The following WDFY2 variants were observed in gnomAD, a reference collection of about 807,000 sequenced individuals.
WDFY2 encodes WD repeat and FYVE domain containing 2.
WDFY2 carries 36 observed loss-of-function variants against 56.4 expected under a neutral mutation model. The ratio of observed to expected loss-of-function variants is 0.64; its 90% CI spans 0.49 to 0.84. WDFY2 has a LOEUF of 0.84. WDFY2 is among the 40% of genes least tolerant of loss of function. The pLI is 0.00. For missense variants in WDFY2, 444 were observed against 512.2 expected (o/e 0.87, Z 1.29); for synonymous variants, 176 against 183.7 (o/e 0.96, Z 0.34).
At chr13:51,651,726 T>C (rs1012780819) in intron 1 of WDFY2, among the ~76,000 whole-genome samples, 5 of 152,288 alleles carry the variant, frequency 3.3e-5, no homozygotes, top group Non-Finnish European at 7.4e-5. Flanking sequence ...TTGGGCAGTT[T>C]TGAGTGAGTT....
chr13:51,671,776 CTTTTTTTTTTTTTT>C (rs564584742), intron 2 of WDFY2, among the ~76,000 whole-genome samples: 1 of 61,998 alleles, frequency 1.6e-5, no homozygotes, highest in Admixed American at 2.1e-4. Flanking sequence ...GTTGCATTTG[CTTTTTTTTTTTTTT>C]TTTTTTTTTT....
intron 3 of WDFY2, among the ~76,000 whole-genome samples, chr13:51,693,188 A>C (rs556712144): frequency 6.7e-6 from 1 of 148,656 alleles, no homozygotes; most frequent in African/African-American, 2.5e-5. Context: ...TTGTGTCTCT[A>C]TTTCCTTCAT....
At chr13:51,699,522 C>A (rs1441075956) in intron 3 of WDFY2, among the ~76,000 whole-genome samples, 1 of 152,172 alleles carries the variant, frequency 6.6e-6, no homozygotes, top group African/African-American at 2.4e-5. Flanking sequence ...AACCAGGCTA[C>A]AGCAGAATTT....
At chr13:51,649,832 A>G (rs1302544242) in intron 1 of WDFY2, among the ~76,000 whole-genome samples, 1 of 152,106 alleles carries the variant, frequency 6.6e-6, no homozygotes, top group Non-Finnish European at 1.5e-5. Flanking sequence ...CTTGTAGTAT[A>G]GTTTGAAGTC....
At chr13:51,603,548 G>A (rs746650066) in intron 1 of WDFY2, among the ~76,000 whole-genome samples, 1 of 152,126 alleles carries the variant, frequency 6.6e-6, no homozygotes, top group Admixed American at 6.5e-5. Flanking sequence ...AAATATTGAA[G>A]GATGTTTTCT....
At chr13:51,729,165 TTTC>T (rs1024227902) in intron 6 of WDFY2, among the ~76,000 whole-genome samples, 3 of 152,072 alleles carry the variant, frequency 2.0e-5, no homozygotes, top group African/African-American at 4.8e-5. Context: ...CTCTCCACCT[TTTC>T]TTCTTGTGCA....
intron 7 of WDFY2, among the ~76,000 whole-genome samples, chr13:51,741,372 G>A (rs1490336938): frequency 6.6e-6 from 1 of 152,188 alleles, no homozygotes; most frequent in African/African-American, 2.4e-5. Flanking sequence ...TTAACCCCGG[G>A]GAGGGGTTGC....
At chr13:51,731,954 A>G (rs1952732253) in intron 6 of WDFY2, among the ~76,000 whole-genome samples, 1 of 152,192 alleles carries the variant, frequency 6.6e-6, no homozygotes, top group Admixed American at 6.5e-5. Flanking sequence ...CCAAAGGCCA[A>G]AGCATAACAT....
At chr13:51,601,418 CTTTT>C (rs372263587) in intron 1 of WDFY2, among the ~76,000 whole-genome samples, 1 of 143,186 alleles carries the variant, frequency 7.0e-6, no homozygotes. Context: ...TAGTAGTTTA[CTTTT>C]TTTTTTTTTT....
At chr13:51,673,855 G>A (rs1955843294) in intron 2 of WDFY2, among the ~76,000 whole-genome samples, 1 of 152,096 alleles carries the variant, frequency 6.6e-6, no homozygotes, top group Non-Finnish European at 1.5e-5. Context: ...CTGTTATACA[G>A]GTGGAAGTTT....
At chr13:51,636,887 A>C (rs1444269278) in intron 1 of WDFY2, among the ~76,000 whole-genome samples, 1 of 152,216 alleles carries the variant, frequency 6.6e-6, no homozygotes, top group African/African-American at 2.4e-5. Context: ...TTGGGTACAC[A>C]CATGTGAAAA....
chr13:51,596,338 G>A (rs1027072463), intron 1 of WDFY2, among the ~76,000 whole-genome samples: 1 of 152,170 alleles, frequency 6.6e-6, no homozygotes, highest in Non-Finnish European at 1.5e-5. Flanking sequence ...TTGGTTTGGA[G>A]TTTGGTTGCA....
intron 1 of WDFY2, among the ~76,000 whole-genome samples, chr13:51,652,166 C>A (rs1474399267): frequency 1.3e-5 from 2 of 152,314 alleles, no homozygotes; most frequent in South Asian, 4.1e-4. Context: ...TAATGGCCTT[C>A]TTTGTCTCTT....
intron 1 of WDFY2, among the ~76,000 whole-genome samples, chr13:51,616,436 C>T (rs1430616244): frequency 6.6e-6 from 1 of 152,068 alleles, no homozygotes; most frequent in African/African-American, 2.4e-5. Flanking sequence ...ACCTAGTACT[C>T]ACCTGCATCA....
At chr13:51,686,760 A>G (rs1485128826) in intron 3 of WDFY2, among the ~76,000 whole-genome samples, 1 of 152,164 alleles carries the variant, frequency 6.6e-6, no homozygotes, top group African/African-American at 2.4e-5. Context: ...CCCAAGAAGT[A>G]AAGCATTGGT....
At chr13:51,658,482 T>C (rs1199342204) in intron 1 of WDFY2, among the ~76,000 whole-genome samples, 1 of 152,178 alleles carries the variant, frequency 6.6e-6, no homozygotes, top group South Asian at 2.1e-4. Flanking sequence ...TCAAGGAACA[T>C]GAGCCGCAAT....
chr13:51,662,201 C>G (rs1955628025), intron 2 of WDFY2, among the ~76,000 whole-genome samples: 1 of 152,158 alleles, frequency 6.6e-6, no homozygotes, highest in South Asian at 2.1e-4. Flanking sequence ...GAACTCCTGA[C>G]CTCAGGTAAC....
intron 2 of WDFY2, among the ~76,000 whole-genome samples, chr13:51,662,804 A>T (rs6561642): frequency 0.97 from 148,086 of 152,328 alleles, 72,101 homozygotes; most frequent in East Asian, 1. Context: ...TGACTGAACA[A>T]GAACTTTGAG....
intron 11 of WDFY2, among the ~76,000 whole-genome samples, chr13:51,759,247 G>A (rs1953501497): frequency 6.6e-6 from 1 of 152,100 alleles, no homozygotes; most frequent in Non-Finnish European, 1.5e-5. Context: ...TTGAAAACGA[G>A]GTATCTTGTA....
Sources: allele counts gnomAD v4.1 joint callset (sites outside exome capture counted in the v4.1 genomes callset), GRCh38; gene constraint gnomAD v4.1.1; transcripts MANE v1.5; gene names NCBI Gene and HGNC (gene_info 2026-07-23, HGNC 2026-07-21).